Variants in AGBL1 observed in about 807,000 individuals in gnomAD.
The protein encoded by AGBL1 is cytosolic carboxypeptidase 4.
Under a neutral mutation model 118.9 loss-of-function variants are expected in AGBL1, and 130 were observed. The observed-to-expected ratio is 1.09, with a 90% confidence interval of 0.95 to 1.26. The LOEUF is 1.26. Ranked by LOEUF, AGBL1 falls within the 50% of genes most tolerant of loss-of-function variation. AGBL1 has a pLI of 0.00. For synonymous variants in AGBL1, 555 were observed against 478.9 expected (o/e 1.16, Z -2.08); for missense variants, 1,584 against 1,298.1 (o/e 1.22, Z -3.38).
intron 23 of AGBL1, among the ~76,000 whole-genome samples, chr15:86,942,119 T>A (rs1421052255): frequency 1.3e-5 from 2 of 152,018 alleles, no homozygotes; most frequent in Non-Finnish European, 2.9e-5. Context: ...CTTAACTGCC[T>A]CCCCTGTAAA....
At chr15:86,775,779 A>G (rs2078247430) in intron 22 of AGBL1, among the ~76,000 whole-genome samples, 1 of 152,156 alleles carries the variant, frequency 6.6e-6, no homozygotes, top group Non-Finnish European at 1.5e-5. Flanking sequence ...ATTTATAAAC[A>G]TTTCAAACAC....
At chr15:86,213,255 A>C (rs1280785518) in intron 5 of AGBL1, among the ~76,000 whole-genome samples, 1 of 152,352 alleles carries the variant, frequency 6.6e-6, no homozygotes, top group Admixed American at 6.5e-5. Flanking sequence ...TCATGGAACT[A>C]CTGGGAGGCA....
intron 22 of AGBL1, among the ~76,000 whole-genome samples, chr15:86,811,636 AT>A (rs1252961052): frequency 6.6e-6 from 1 of 152,160 alleles, no homozygotes; most frequent in Non-Finnish European, 1.5e-5. Flanking sequence ...CAATCATGGA[AT>A]AATCTTAGTT....
intron 1 of AGBL1, among the ~76,000 whole-genome samples, chr15:86,125,956 T>C (rs1370828890): frequency 2.0e-5 from 3 of 152,170 alleles, no homozygotes; most frequent in Admixed American, 1.3e-4. Flanking sequence ...GGTTATGTGA[T>C]CCTACACAGC....
intron 16 of AGBL1, among the ~76,000 whole-genome samples, chr15:86,293,245 C>T (rs974253924): frequency 5.5e-4 from 84 of 152,072 alleles, no homozygotes; most frequent in African/African-American, 1.6e-3. Flanking sequence ...GGAACAGGTA[C>T]TTTTTTTAAA....
intron 6 of AGBL1, among the ~76,000 whole-genome samples, chr15:86,233,440 C>A (rs1329439659): frequency 6.7e-6 from 1 of 149,420 alleles, no homozygotes; most frequent in African/African-American, 2.5e-5. Context: ...ATAAAGCAAA[C>A]AATGGGGAGT....
intron 21 of AGBL1, among the ~76,000 whole-genome samples, chr15:86,572,800 C>T (rs1018456517): frequency 2.0e-5 from 3 of 152,236 alleles, no homozygotes; most frequent in Non-Finnish European, 2.9e-5. Context: ...GGACGGCCCG[C>T]CCCTGCCATC....
intron 22 of AGBL1, among the ~76,000 whole-genome samples, chr15:86,713,297 G>T (rs567981152): frequency 2.5e-4 from 38 of 152,272 alleles, no homozygotes; most frequent in African/African-American, 8.7e-4. Context: ...GCTAGGGGTG[G>T]AGCAGAAGAG....
chr15:86,686,917 G>A (rs1901581), intron 22 of AGBL1, among the ~76,000 whole-genome samples: 2,032 of 152,252 alleles, frequency 0.013, 15 homozygotes, highest in Non-Finnish European at 0.021. Flanking sequence ...CAGCTAGTAA[G>A]TGATGAAGCT....
At chr15:86,584,510 A>C (rs995741368) in intron 21 of AGBL1, among the ~76,000 whole-genome samples, 25 of 151,976 alleles carry the variant, frequency 1.6e-4, no homozygotes, top group Non-Finnish European at 4.4e-5. Flanking sequence ...GTGTGACTTT[A>C]TTCTCAGTTT....
intron 18 of AGBL1, among the ~76,000 whole-genome samples, chr15:86,476,011 T>C (rs888926724): frequency 7.9e-5 from 12 of 152,132 alleles, no homozygotes; most frequent in African/African-American, 2.7e-4. Flanking sequence ...AATAAAATCC[T>C]TTACAGACAA....
chr15:86,920,082 CG>C (rs2080469407), downstream of AGBL1, among the ~76,000 whole-genome samples: 1 of 152,170 alleles, frequency 6.6e-6, no homozygotes, highest in African/African-American at 2.4e-5. Flanking sequence ...AGGGAACCTC[CG>C]TGGGTTCTCT....
intron 22 of AGBL1, among the ~76,000 whole-genome samples, chr15:86,816,847 T>A (rs1345605856): frequency 3.9e-5 from 6 of 152,096 alleles, no homozygotes; most frequent in Non-Finnish European, 7.4e-5. Flanking sequence ...TGCAGTTTTT[T>A]ATCTAAATAT....
chr15:86,095,811 C>G (rs1327012070), intron 1 of AGBL1, among the ~76,000 whole-genome samples: 2 of 151,950 alleles, frequency 1.3e-5, no homozygotes, highest in Non-Finnish European at 2.9e-5. Context: ...CATGTGATTA[C>G]TGATAAGACT....
chr15:86,368,366 G>A (rs2080922649), intron 17 of AGBL1, among the ~76,000 whole-genome samples: 1 of 152,082 alleles, frequency 6.6e-6, no homozygotes, highest in Non-Finnish European at 1.5e-5. Flanking sequence ...AATATGTCAT[G>A]AGAAAGACAG....
chr15:86,660,894 G>A (rs967107332), intron 21 of AGBL1, among the ~76,000 whole-genome samples: 4 of 152,064 alleles, frequency 2.6e-5, no homozygotes, highest in African/African-American at 9.7e-5. Context: ...AAAACTTGAA[G>A]GAAAATAATA....
At chr15:86,866,326 T>A (rs2079628823) in intron 22 of AGBL1, among the ~76,000 whole-genome samples, 1 of 152,192 alleles carries the variant, frequency 6.6e-6, no homozygotes, top group Non-Finnish European at 1.5e-5. Context: ...TGGACTTCAG[T>A]TCCATTGATG....
chr15:86,082,385 T>C (rs189115957), intron 1 of AGBL1, among the ~76,000 whole-genome samples: 1 of 152,346 alleles, frequency 6.6e-6, no homozygotes, highest in Admixed American at 6.5e-5. Context: ...CAGAAGGCTT[T>C]GAATTGCTTC....
intron 18 of AGBL1, among the ~76,000 whole-genome samples, chr15:86,403,220 T>C (rs756304723): frequency 3.3e-5 from 5 of 152,130 alleles, no homozygotes; most frequent in Non-Finnish European, 7.3e-5. Flanking sequence ...TGTTGGGTGG[T>C]AGTAACAAAA....
Sources: gnomAD v4.1 joint callset for allele counts (sites outside exome capture counted in the v4.1 genomes callset) on GRCh38, gnomAD v4.1.1 for gene constraint, MANE v1.5 for transcripts, NCBI Gene and HGNC (gene_info 2026-07-23, HGNC 2026-07-21) for gene names.